Variants in IGLL5 observed in about 807,000 individuals in gnomAD.
IGLL5 encodes immunoglobulin lambda-like polypeptide 5.
Under a neutral mutation model 20.9 loss-of-function variants are expected in IGLL5, and 30 were observed. The observed-to-expected ratio is 1.44, with a 90% CI of 1.07 to 1.95. IGLL5 has a LOEUF of 1.95. Ranked by LOEUF, IGLL5 falls within the 30% of genes most tolerant of loss-of-function variation. IGLL5 has a pLI of 0.00. For missense variants in IGLL5, 475 were observed against 270.7 expected, an observed-to-expected ratio of 1.75 and a Z score of -5.30; for synonymous variants, 203 against 117.3, an observed-to-expected ratio of 1.73 and a Z score of -4.72.
rs1176154618 is a variant in IGLL5 at position 22,888,100 on chromosome 22, T to C, written c.47T>C (p.Leu16Pro). The change falls in exon 1 of 3, where the codon CTG becomes CCG. Residue 16 changes from leucine (L) to proline (P), a missense_variant. By Grantham distance (98) the Leu-to-Pro change is moderately conservative. Transcript: ENST00000526893. ...GTGGGTTGTGAGACCCCTGAGGAGC[T>C]GGGCCCTGGTCCCAGGCAGCGCTGG... ...GQVGCETPEE[L>P]GPGPRQRWPL... 3 of 1,549,338 alleles carry C rather than the reference T, an allele frequency of 1.9e-6. No homozygotes were observed. The highest frequency in any genetic ancestry group is 1.7e-4 in the Middle Eastern group (1 of 5,948).
chr22:22,888,793 GATGAACCGAGGGGAGCTGTCCAGTC>G, intron 1 of IGLL5, among the ~76,000 whole-genome samples: 1 of 151,424 alleles, frequency 6.6e-6, no homozygotes, highest in East Asian at 2.0e-4. Flanking sequence ...GGGAGGGTGG[GATGAACCGAGGGGAGCTGTCCAGTC>G]ATTGGAACAG....
At chr22:22,894,179 C>G (rs2067993676) in intron 2 of IGLL5, among the ~76,000 whole-genome samples, 1 of 151,394 alleles carries the variant, frequency 6.6e-6, no homozygotes, top group African/African-American at 2.4e-5. Context: ...AGGACAGAGG[C>G]TGCTGGGGTG....
At chr22:22,888,470 C>G (rs187858328) in intron 1 of IGLL5, among the ~76,000 whole-genome samples, 7 of 151,356 alleles carry the variant, frequency 4.6e-5, no homozygotes, top group Middle Eastern at 3.7e-3. Flanking sequence ...TATTATTTTT[C>G]TTGATTTCTG....
chr22:22,888,509 C>A (rs772770761), intron 1 of IGLL5, among the ~76,000 whole-genome samples: 1 of 151,258 alleles, frequency 6.6e-6, no homozygotes, highest in African/African-American at 2.4e-5. Flanking sequence ...AAATTTTCAC[C>A]AGGGTCAGTG....
intron 1 of IGLL5, among the ~76,000 whole-genome samples, chr22:22,888,958 G>T (rs1380908303): frequency 2.0e-5 from 3 of 151,354 alleles, no homozygotes; most frequent in East Asian, 2.0e-4. Flanking sequence ...CAGCGTCAGA[G>T]GAGAGGAGAG....
chr22:22,894,182 CTGGGGTGGG>C, intron 2 of IGLL5, among the ~76,000 whole-genome samples: 1 of 151,412 alleles, frequency 6.6e-6, no homozygotes, highest in Admixed American at 6.6e-5. Context: ...ACAGAGGCTG[CTGGGGTGGG>C]CCTGGGAGCT....
chr22:22,890,289 CTG>C (rs148024405), intron 1 of IGLL5, among the ~76,000 whole-genome samples: 24 of 146,618 alleles, frequency 1.6e-4, no homozygotes, highest in African/African-American at 7.5e-5. Flanking sequence ...AGAACTTTTC[CTG>C]TGTGTGTGTG....
intron 1 of IGLL5, among the ~76,000 whole-genome samples, chr22:22,889,301 G>A (rs542603914): frequency 2.0e-5 from 3 of 151,100 alleles, no homozygotes; most frequent in East Asian, 2.0e-4. Context: ...TGAAGTGAGG[G>A]CTGAGCAGAG....
intron 2 of IGLL5, among the ~76,000 whole-genome samples, chr22:22,894,753 G>GCTTGTGGAGACAGGAAACATCTCGGC: frequency 6.6e-6 from 1 of 151,342 alleles, no homozygotes; most frequent in Admixed American, 6.6e-5. Context: ...CTGTGGTCGG[G>GCTTGTGGAGACAGGAAACATCTCGGC]CTTGTGGAGA....
chr22:22,890,060 A>G (rs552790460), intron 1 of IGLL5, among the ~76,000 whole-genome samples: 1 of 150,946 alleles, frequency 6.6e-6, no homozygotes, highest in South Asian at 2.1e-4. Flanking sequence ...CATTTCTTCT[A>G]ATATAATTTT....
At chr22:22,894,605 G>T (rs2066673058) in intron 2 of IGLL5, among the ~76,000 whole-genome samples, 1 of 151,424 alleles carries the variant, frequency 6.6e-6, no homozygotes, top group South Asian at 2.1e-4. Context: ...GACCAGAGGG[G>T]AGTGAATGAG....
intron 1 of IGLL5, among the ~76,000 whole-genome samples, chr22:22,889,563 G>GC (rs2067733494): frequency 6.6e-6 from 1 of 151,224 alleles, no homozygotes; most frequent in Non-Finnish European, 1.5e-5. Context: ...GAAAGGGTGT[G>GC]AAAAAACACA....
At position 22,888,151 on chromosome 22, in the gene IGLL5, T is replaced by C. The variant is rs762383453; in HGVS notation, c.98T>C (p.Met33Thr). Residue 33 changes from methionine to threonine, a missense_variant, in exon 1 of 3, where the codon ATG (methionine) becomes ACG (threonine). Met to Thr is a moderately conservative substitution (Grantham distance 81). Coordinates refer to ENST00000526893, the MANE Select transcript of IGLL5 (RefSeq NM_001178126.2). ...CCCCTGCTGCTGCTGGGTCTGGCCA[T>C]GGTCGCCCATGGCCTGCTGCGCCCA... is the stretch of plus-strand genomic sequence containing the variant. ...RWPLLLLGLA[M>T]VAHGLLRPMV... is the part of the protein sequence containing the mutation. 12 of 1,549,342 alleles carry C rather than the reference T, an allele frequency of 7.7e-6. 1 individual carries two copies. Among genetic ancestry groups the C allele is most frequent in the Middle Eastern group, 1.7e-4 (1 of 5,880 alleles).
At position 22,894,729 on chromosome 22, in the gene IGLL5, T is replaced by C. The variant is rs367809371; in HGVS notation, c.326-646T>C. 1.1e-3 allele frequency among the ~76,000 whole-genome samples: 171 copies of C among 151,250 alleles called. 7 individuals are homozygous for C. In the South Asian group the frequency reaches 0.034, roughly 30 times the overall value. On this transcript the variant is annotated intron_variant, in intron 2 of 2. Transcript: ENST00000526893. ...CTGTGGGAGCAGCCCCAGGAACAGC[T>C]GAGGTGAAGGGTTCTGTGGTCGGGC...
chr22:22,889,152 A>T (rs563253555), intron 1 of IGLL5, among the ~76,000 whole-genome samples: 2 of 151,058 alleles, frequency 1.3e-5, no homozygotes, highest in Admixed American at 6.6e-5. Context: ...ACGCCCGATT[A>T]GAGGAGGGAG....
rs1213667856 is a variant in IGLL5, at chr22:22,888,263, A to G, written c.206+4A>G. The G allele has an allele frequency of 3.2e-6, 5 of 1,546,858 alleles. No homozygotes were observed. The highest frequency in any genetic ancestry group is 2.0e-5 in the Admixed American group (1 of 50,734). ...GCCTGCGGAGCCTGTGGGGCAGGTA[A>G]GGGGCAAGAGATTCCAGGGGATGTG... On this transcript the variant is annotated splice_donor_region_variant and intron_variant, in intron 1 of 2. Transcript: ENST00000526893.
intron 1 of IGLL5, 107 bp downstream of exon 1, chr22:22,888,366 A>C (rs539599666): frequency 4.0e-6 from 4 of 1,008,814 alleles, no homozygotes; most frequent in African/African-American, 3.3e-5. Context: ...TTAACCCCTA[A>C]GAGGGGCCTG....
intron 1 of IGLL5, among the ~76,000 whole-genome samples, chr22:22,889,954 A>G (rs1023348681): frequency 6.6e-6 from 1 of 151,218 alleles, no homozygotes; most frequent in Non-Finnish European, 1.5e-5. Context: ...ATATAGAAAA[A>G]TGTCAATGGT....
chr22:22,888,863 GGGGATCTCC>G, intron 1 of IGLL5, among the ~76,000 whole-genome samples: 1 of 151,446 alleles, frequency 6.6e-6, no homozygotes, highest in African/African-American at 2.4e-5. Context: ...TAAAGGGAGA[GGGGATCTCC>G]CTCTGGGATG....
Sources: allele counts gnomAD v4.1 joint callset (sites outside exome capture counted in the v4.1 genomes callset), GRCh38; gene constraint gnomAD v4.1.1; transcripts MANE v1.5; gene names NCBI Gene and HGNC (gene_info 2026-07-23, HGNC 2026-07-21).